Variants in GNAI1 observed in about 807,000 individuals in gnomAD.
GNAI1 encodes the protein G protein subunit alpha i1, also known as guanine nucleotide-binding protein G(i) subunit alpha-1.
Under a neutral mutation model 38.9 loss-of-function variants are expected in GNAI1, and 11 were observed. The observed-to-expected ratio is 0.28, with a 90% CI of 0.18 to 0.47. The LOEUF (loss-of-function observed/expected upper bound fraction) is 0.47. Among genes scored for constraint, GNAI1 ranks in the 20% least tolerant of loss-of-function variants. The pLI is 0.99. For missense variants in GNAI1, 317 were observed against 436.9 expected, an observed-to-expected ratio of 0.73 and a Z score of 2.45; for synonymous variants, 166 against 145.1, an observed-to-expected ratio of 1.14 and a Z score of -1.04.
At chr7:80,209,660 G>A (rs1403235735) in intron 5 of GNAI1, among the ~76,000 whole-genome samples, 2 of 152,184 alleles carry the variant, frequency 1.3e-5, no homozygotes, top group Non-Finnish European at 1.5e-5. Context: ...TCTGTTATTG[G>A]ATGGACAGAG....
intron 5 of GNAI1, among the ~76,000 whole-genome samples, chr7:80,208,891 T>A (rs117048167): frequency 0.01 from 1,591 of 152,352 alleles, 8 homozygotes; most frequent in Non-Finnish European, 0.016. Flanking sequence ...TAACAAGGAC[T>A]GTCTTCTCTG....
chr7:80,200,287 C>G (rs1410962731), intron 4 of GNAI1, among the ~76,000 whole-genome samples: 1 of 119,388 alleles, frequency 8.4e-6, no homozygotes, highest in South Asian at 2.9e-4. Flanking sequence ...GCTCGTACCA[C>G]TGCACTCCAG....
intron 1 of GNAI1, among the ~76,000 whole-genome samples, chr7:80,161,526 A>G (rs1245256002): frequency 1.3e-5 from 2 of 152,224 alleles, no homozygotes; most frequent in African/African-American, 2.4e-5. Flanking sequence ...TTTCCACTCA[A>G]TTATGTTTGT....
intron 7 of GNAI1, 84 bp from the exon 8 acceptor site, chr7:80,217,219 T>G (rs538300567): frequency 9.0e-6 from 8 of 891,756 alleles, no homozygotes; most frequent in East Asian, 2.6e-5. Flanking sequence ...TGACTTCAGT[T>G]TCATATGTAT....
intron 7 of GNAI1, among the ~76,000 whole-genome samples, chr7:80,216,657 A>C (rs1788974132): frequency 6.6e-6 from 1 of 152,132 alleles, no homozygotes; most frequent in South Asian, 2.1e-4. Context: ...TAGAAACTGA[A>C]TTGCGGGGTC....
Position 80,218,591 on chromosome 7 carries a change from T to C in GNAI1, c.*1098T>C, listed in dbSNP as rs1789016078. ...ATCTTTGAATACTCTATTGCTGATA[T>C]AATGCAAGATTTAAATTTATACATA... On this transcript the variant is annotated 3_prime_UTR_variant, in exon 8 of 8. Coordinates refer to ENST00000649796, the MANE Select transcript of GNAI1 (RefSeq NM_002069.6). 1.3e-5 allele frequency: 2 copies of C among 152,178 alleles called. No individual in the cohort carries two copies. Among genetic ancestry groups the C allele is most frequent in the South Asian group, 2.1e-4 (1 of 4,836 alleles). The allele number at this position is 152,178 out of a possible 1,614,324, so 9.4% of individuals were successfully genotyped here. A position where few individuals can be genotyped will look rare whatever the true frequency, so the allele number is the denominator to read the frequency against.
chr7:80,139,968 G>T (rs1244989701), intron 1 of GNAI1, among the ~76,000 whole-genome samples: 4 of 134,764 alleles, frequency 3.0e-5, no homozygotes, highest in Non-Finnish European at 4.7e-5. Context: ...TTTATTTTTG[G>T]CCCCAATTTC....
intron 5 of GNAI1, among the ~76,000 whole-genome samples, chr7:80,205,449 C>T (rs1400556293): frequency 6.6e-6 from 1 of 152,072 alleles, no homozygotes; most frequent in Non-Finnish European, 1.5e-5. Flanking sequence ...GAGCACACTC[C>T]AGTTGTCACT....
intron 1 of GNAI1, among the ~76,000 whole-genome samples, chr7:80,169,197 C>T (rs138477917): frequency 2.7e-3 from 414 of 152,260 alleles, no homozygotes; most frequent in African/African-American, 9.5e-3. Context: ...GTAGTCTACA[C>T]GTGGCTTTTG....
intron 1 of GNAI1, among the ~76,000 whole-genome samples, chr7:80,154,343 T>C (rs1787780510): frequency 6.6e-6 from 1 of 152,238 alleles, no homozygotes; most frequent in South Asian, 2.1e-4. Flanking sequence ...GGTGTATTTT[T>C]AAGCTTCTGT....
intron 1 of GNAI1, among the ~76,000 whole-genome samples, chr7:80,164,650 C>T (rs931300367): frequency 6.6e-6 from 1 of 152,152 alleles, no homozygotes; most frequent in Non-Finnish European, 1.5e-5. Flanking sequence ...TCACATTTTA[C>T]TTTTTAATGA....
At chr7:80,212,661 G>T in intron 6 of GNAI1, 55 bp from the exon 7 acceptor site, 1 of 1,057,940 alleles carries the variant, frequency 9.5e-7, no homozygotes, top group Non-Finnish European at 1.3e-6. Flanking sequence ...TTTTAAAATA[G>T]TCCTCAAAAA....
chr7:80,193,529 T>G (rs1416272713), intron 3 of GNAI1, among the ~76,000 whole-genome samples: 1 of 152,206 alleles, frequency 6.6e-6, no homozygotes, highest in African/African-American at 2.4e-5. Context: ...GATAATATAT[T>G]GATAATTTAG....
chr7:80,159,795 C>A (rs567507278), intron 1 of GNAI1, among the ~76,000 whole-genome samples: 2 of 152,092 alleles, frequency 1.3e-5, no homozygotes, highest in Non-Finnish European at 2.9e-5. Flanking sequence ...TCAGCTTCCT[C>A]GCTGGTAGTG....
chr7:80,158,371 G>A (rs1278027122), intron 1 of GNAI1, among the ~76,000 whole-genome samples: 1 of 152,160 alleles, frequency 6.6e-6, no homozygotes, highest in Non-Finnish European at 1.5e-5. Context: ...TCTAAAGGGT[G>A]ACTGAAAAGG....
rs1335835079 is a variant in GNAI1 at position 80,218,924 on chromosome 7, C to T, written c.*1431C>T. 1 of 152,162 alleles carries T rather than the reference C, an allele frequency of 6.6e-6. No homozygotes were observed. The highest frequency in any genetic ancestry group is 1.5e-5 in the Non-Finnish European group (1 of 68,042). The allele number at this position is 152,162 out of a possible 1,614,324, so 9.4% of individuals were successfully genotyped here. On this transcript the variant is annotated 3_prime_UTR_variant, in exon 8 of 8. Coordinates refer to ENST00000649796, the MANE Select transcript of GNAI1 (RefSeq NM_002069.6). Reference sequence around the variant, plus strand: ...CAGCAAAGTAAACAGCACTCCCCACCCCACCCTCCTTTTTTTACTCATCTT... The same window carrying T: ...CAGCAAAGTAAACAGCACTCCCCACTCCACCCTCCTTTTTTTACTCATCTT...
intron 3 of GNAI1, among the ~76,000 whole-genome samples, chr7:80,197,669 G>C (rs2115662791): frequency 1.3e-5 from 2 of 152,072 alleles, no homozygotes; most frequent in Middle Eastern, 3.4e-3. Context: ...TGTTATGTGA[G>C]GTTTATTAAG....
intron 5 of GNAI1, among the ~76,000 whole-genome samples, chr7:80,207,838 C>T (rs1788801009): frequency 6.6e-6 from 1 of 151,774 alleles, no homozygotes; most frequent in Admixed American, 6.6e-5. Flanking sequence ...TCATATTATC[C>T]CTGTGATTAG....
At chr7:80,140,011 T>C (rs1787497618) in intron 1 of GNAI1, among the ~76,000 whole-genome samples, 1 of 148,452 alleles carries the variant, frequency 6.7e-6, no homozygotes, top group African/African-American at 2.5e-5. Context: ...TTTGACGGAG[T>C]CTTGCTCTGT....
Sources: allele counts gnomAD v4.1 joint callset (sites outside exome capture counted in the v4.1 genomes callset), GRCh38; gene constraint gnomAD v4.1.1; transcripts MANE v1.5; gene names NCBI Gene and HGNC (gene_info 2026-07-23, HGNC 2026-07-21).